INPP5A: variants seen among roughly 807,000 people sequenced by gnomAD.
INPP5A encodes the protein 43 kDa inositol polyphosphate 5-phophatase.
Under a neutral mutation model 65.2 loss-of-function variants are expected in INPP5A, and 14 were observed. That is an observed-to-expected ratio of 0.21 (90% CI 0.14 to 0.34). INPP5A has a LOEUF of 0.34. Among genes scored for constraint, INPP5A ranks in the 10% least tolerant of loss-of-function variants. INPP5A has a pLI of 1.00. For synonymous variants in INPP5A, 207 were observed against 208.3 expected, an observed-to-expected ratio of 0.99 and a Z score of 0.05; for missense variants, 431 against 545.6, an observed-to-expected ratio of 0.79 and a Z score of 2.09.
chr10:132,645,929 A>G lies in INPP5A; in HGVS notation c.179A>G (p.Asn60Ser), dbSNP rs112550433. The G allele has an allele frequency of 6.2e-7, 1 of 1,613,976 alleles. No individual in the cohort carries two copies. Among genetic ancestry groups the G allele is most frequent in the Non-Finnish European group, 8.5e-7 (1 of 1,179,974 alleles). ...ALHCQEFGGK[N>S]YEASMSHVDK... ...CACTGTCAGGAGTTTGGAGGGAAGAACTACGAGGCCTCCATGTCCCACGTG... is the reference window on the plus strand; with the variant it reads ...CACTGTCAGGAGTTTGGAGGGAAGAGCTACGAGGCCTCCATGTCCCACGTG... The change falls in exon 3 of 16, where the codon AAC (asparagine) becomes AGC (serine). Residue 60 changes from asparagine (N) to serine (S), a missense_variant. Asn to Ser is a conservative substitution (Grantham distance 46). Transcript: ENST00000368594.
chr10:132,733,341 G>A (rs944978764), intron 9 of INPP5A, among the ~76,000 whole-genome samples: 3 of 152,230 alleles, frequency 2.0e-5, no homozygotes, highest in Non-Finnish European at 2.9e-5. Context: ...CTCCTGCCAC[G>A]TGGTCCACTG....
Position 132,684,312 on chromosome 10 carries a change from C to T in INPP5A, c.307-6080C>T, listed in dbSNP as rs181931171. Reference sequence around the variant, plus strand: ...TGCCATTGTATTCTCATGCCTGTCTCCTGAGAGCTCCAGCGTCTCTGAGAG... The same window carrying T: ...TGCCATTGTATTCTCATGCCTGTCTTCTGAGAGCTCCAGCGTCTCTGAGAG... On this transcript the variant is annotated intron_variant, in intron 4 of 15. Coordinates refer to ENST00000368594, the MANE Select transcript of INPP5A (RefSeq NM_005539.5). Among the ~76,000 whole-genome samples, 259 of 152,324 alleles carry T rather than the reference C, an allele frequency of 1.7e-3. 3 individuals carry two copies. Among genetic ancestry groups the T allele is most frequent in the Middle Eastern group, 6.8e-3 (2 of 294 alleles).
intron 2 of INPP5A, among the ~76,000 whole-genome samples, chr10:132,634,665 T>G (rs2072318416): frequency 6.6e-6 from 1 of 151,980 alleles, no homozygotes; most frequent in Non-Finnish European, 1.5e-5. Context: ...GCCCAGTGTG[T>G]TTTTTGTTAT....
At chr10:132,717,043 C>T (rs960759624) in intron 8 of INPP5A, among the ~76,000 whole-genome samples, 3 of 152,250 alleles carry the variant, frequency 2.0e-5, no homozygotes, top group East Asian at 1.9e-4. Context: ...ATCTCAGCCC[C>T]GCCCACCGCA....
Position 132,774,812 on chromosome 10 carries a change from GGGAGGAGAGAGGGGCAC to G in INPP5A, c.978-2844_978-2828del, listed in dbSNP as rs775577712. On this transcript the variant is annotated intron_variant, in intron 12 of 15. Transcript: ENST00000368594. ...ATCCTACAGGGAGGAGAGAGGGGCAGGGAGGAGAGAGGGGCACGGAGGAGAGAGGGGTAGGGAGAGAC... is the reference window on the plus strand; with the variant it reads ...ATCCTACAGGGAGGAGAGAGGGGCAGGGAGGAGAGAGGGGTAGGGAGAGAC... 1.7e-3 allele frequency among the ~76,000 whole-genome samples: 252 copies of G among 148,144 alleles called. 3 individuals carry two copies. The highest frequency in any genetic ancestry group is 2.5e-3 in the Non-Finnish European group (170 of 66,932).
chr10:132,720,849 C>G (rs1406370947), intron 8 of INPP5A, among the ~76,000 whole-genome samples: 1 of 149,506 alleles, frequency 6.7e-6, no homozygotes, highest in Non-Finnish European at 1.5e-5. Flanking sequence ...GTCTGGGCAC[C>G]TTAGACGGCT....
chr10:132,764,852 G>A (rs1590997247), intron 11 of INPP5A, among the ~76,000 whole-genome samples: 1 of 143,230 alleles, frequency 7.0e-6, no homozygotes, highest in Non-Finnish European at 1.5e-5. Flanking sequence ...AAACACGGCC[G>A]GGTCAGTCCT....
intron 2 of INPP5A, among the ~76,000 whole-genome samples, chr10:132,629,240 C>T (rs1055690705): frequency 4.3e-4 from 66 of 152,152 alleles, no homozygotes; most frequent in Non-Finnish European, 1.0e-4. Context: ...TTGCTCTTGC[C>T]CTCTGACCCC....
chr10:132,700,888 T>C (rs762430332), intron 6 of INPP5A, among the ~76,000 whole-genome samples: 21 of 152,232 alleles, frequency 1.4e-4, no homozygotes, highest in Admixed American at 7.8e-4. Flanking sequence ...TTTCAAATGA[T>C]GCCTCTGGGA....
intron 6 of INPP5A, among the ~76,000 whole-genome samples, chr10:132,703,029 G>C (rs1845461672): frequency 6.6e-6 from 1 of 152,100 alleles, no homozygotes; most frequent in African/African-American, 2.4e-5. Context: ...CACACACCGG[G>C]GTTGGGACTC....
chr10:132,692,930 T>C (rs1169779745), intron 5 of INPP5A, among the ~76,000 whole-genome samples: 1 of 152,222 alleles, frequency 6.6e-6, no homozygotes, highest in Non-Finnish European at 1.5e-5. Context: ...GTCTAGCAGA[T>C]AACTTTTGCT....
intron 11 of INPP5A, among the ~76,000 whole-genome samples, chr10:132,760,670 G>A (rs991465447): frequency 1.3e-4 from 20 of 152,244 alleles, no homozygotes; most frequent in Admixed American, 1.3e-4. Context: ...TCTCTGGTAC[G>A]GGGTGACTGT....
At chr10:132,772,894 C>T (rs1162964396) in intron 12 of INPP5A, among the ~76,000 whole-genome samples, 1 of 149,942 alleles carries the variant, frequency 6.7e-6, no homozygotes, top group Non-Finnish European at 1.5e-5. Flanking sequence ...GGCAGCCGCC[C>T]CACGAAGAGT....
chr10:132,615,550 C>T lies in INPP5A; in HGVS notation c.117+7594C>T, dbSNP rs538967706. ...ACTCTCGGAACCTGGAAGTTCACTG[C>T]GCTTGGTTTGACCGAAGGGGTGGGA... On this transcript the variant is annotated intron_variant, in intron 2 of 15. Coordinates refer to ENST00000368594, the MANE Select transcript of INPP5A (RefSeq NM_005539.5). Among the ~76,000 whole-genome samples the T allele has an allele frequency of 1.2e-3, 179 of 152,086 alleles. 3 individuals are homozygous for T. The South Asian group carries it at 0.033, about 28-fold the overall frequency.
At chr10:132,638,367 C>G (rs1269018679) in intron 2 of INPP5A, among the ~76,000 whole-genome samples, 1 of 152,162 alleles carries the variant, frequency 6.6e-6, no homozygotes, top group Non-Finnish European at 1.5e-5. Context: ...GACTTGCTGG[C>G]TGTGTGTTTG....
chr10:132,724,346 C>T (rs79346663), intron 8 of INPP5A, among the ~76,000 whole-genome samples: 5,209 of 152,304 alleles, frequency 0.034, 115 homozygotes, highest in East Asian at 0.13. Context: ...ACCTTAATTC[C>T]GGATGGATTA....
At chr10:132,765,158 G>T (rs1433425074) in intron 11 of INPP5A, among the ~76,000 whole-genome samples, 3 of 152,042 alleles carry the variant, frequency 2.0e-5, no homozygotes, top group Non-Finnish European at 2.9e-5. Context: ...GAGGGTGTGT[G>T]TGGTGACCGC....
At chr10:132,544,997 C>A (rs1052030820) in intron 1 of INPP5A, among the ~76,000 whole-genome samples, 2 of 152,158 alleles carry the variant, frequency 1.3e-5, no homozygotes. Context: ...GCACCCAGAT[C>A]GACCTGTCGG....
At chr10:132,563,156 G>A (rs762748711) in intron 1 of INPP5A, among the ~76,000 whole-genome samples, 2 of 152,240 alleles carry the variant, frequency 1.3e-5, no homozygotes, top group Admixed American at 6.5e-5. Flanking sequence ...TCCAGGCTGT[G>A]GAGCTGGGCC....
Sources: gnomAD v4.1 joint callset for allele counts (sites outside exome capture counted in the v4.1 genomes callset) on GRCh38, gnomAD v4.1.1 for gene constraint, MANE v1.5 for transcripts, NCBI Gene and HGNC (gene_info 2026-07-23, HGNC 2026-07-21) for gene names.